CCDC51: variants seen among roughly 807,000 people sequenced by gnomAD.
CCDC51 encodes coiled-coil domain containing 51.
CCDC51 carries 25 observed loss-of-function variants against 24.8 expected under a neutral mutation model. That is an observed-to-expected ratio of 1.01 (90% CI 0.73 to 1.41). The LOEUF is 1.41. CCDC51 is among the 40% of genes most tolerant of loss of function. The probability of loss-of-function intolerance (pLI) is 0.00; values close to 1 mark genes in which losing one functional copy is unlikely to be tolerated. For synonymous variants in CCDC51, 190 were observed against 204.3 expected (o/e 0.93, Z 0.60); for missense variants, 466 against 519.1 (o/e 0.90, Z 0.99).
chr3:48,436,460 G>A (rs2039357882), intron 1 of CCDC51, among the ~76,000 whole-genome samples: 1 of 152,200 alleles, frequency 6.6e-6, no homozygotes, highest in East Asian at 1.9e-4. Flanking sequence ...GCCGCAGAAG[G>A]GAACTTCACT....
chr3:48,434,833 T>C lies in CCDC51; in HGVS notation c.296A>G (p.Gln99Arg). 6.2e-7 allele frequency: 1 copy of C among 1,604,144 alleles called. No individual in the cohort carries two copies. The highest frequency in any genetic ancestry group is 8.5e-7 in the Non-Finnish European group (1 of 1,173,530). ...CCTCCTCACCTCTGTCACCTTTCCC[T>C]GGGCCTCTCGAACCTCGTTGAGTCC... ...FVGLNEVREA[Q>R]GKVTEAEKVF... is the part of the protein sequence containing the mutation. The change falls in exon 2 of 4, where the codon CAG becomes CGG. Residue 99 changes from glutamine (Q) to arginine (R), a missense_variant. Transcript: ENST00000395694.
chr3:48,440,122 C>T, upstream of CCDC51: 1 of 1,052,342 alleles, frequency 9.5e-7, no homozygotes, highest in Non-Finnish European at 1.3e-6. Context: ...AATCGTCTGC[C>T]ACTCAGTTGA....
Position 48,432,920 on chromosome 3 carries a change from C to A in CCDC51, c.724G>T (p.Val242Leu), listed in dbSNP as rs367649923. 3 of 1,614,068 alleles carry A rather than the reference C, an allele frequency of 1.9e-6. No homozygotes were observed. The highest frequency in any genetic ancestry group is 1.1e-5 in the South Asian group (1 of 91,084). The change falls in exon 4 of 4, where the codon GTG becomes TTG. Residue 242 changes from valine (V) to leucine (L), a missense_variant. Val to Leu is a conservative substitution (Grantham distance 32, BLOSUM62 1). Coordinates refer to ENST00000395694, the MANE Select transcript of CCDC51 (RefSeq NM_001256964.2). The part of the protein sequence containing the change: ...ALLLEAQKGP[V>L]SLQEAIREQA... ...TCTCGAATGGCCTCTTGGAGACTCA[C>A]AGGCCCCTTCTGCGCCTCCAGGAGT... is the stretch of plus-strand genomic sequence containing the variant.
the CCDC51 span, among the ~76,000 whole-genome samples, chr3:48,446,045 C>T: frequency 3.3e-5 from 5 of 152,150 alleles, no homozygotes; most frequent in Non-Finnish European, 5.9e-5. Flanking sequence ...ATCCTGCTAA[C>T]TTGACTCAAC....
At chr3:48,440,624 C>T (rs760587663), upstream of CCDC51, 2 of 1,610,940 alleles carry the variant, frequency 1.2e-6, no homozygotes, top group Non-Finnish European at 1.7e-6. Context: ...GGAAGGGGCC[C>T]TTGGGTAAGT....
upstream of CCDC51, among the ~76,000 whole-genome samples, chr3:48,443,029 C>G (rs1374964182): frequency 6.6e-6 from 1 of 151,814 alleles, no homozygotes. Context: ...CACTTGAGGT[C>G]TGGAGTTCGA....
chr3:48,440,351 G>C, upstream of CCDC51: 1 of 1,611,954 alleles, frequency 6.2e-7, no homozygotes, highest in Non-Finnish European at 8.5e-7. Context: ...GGGGACGGCG[G>C]GGTGGGGACC....
At chr3:48,444,286 G>C (rs184094147), upstream of CCDC51, 1 of 155,144 alleles carries the variant, frequency 6.4e-6, no homozygotes, top group East Asian at 1.9e-4. Context: ...TTTTTTTGGT[G>C]GGGGAGGGGG....
In CCDC51 at chr3:48,434,056, A is replaced by G. The variant is rs1382780083; in HGVS notation, c.313-185T>C. ...TGCTCAAAGTGCAGCCTTGGGCCACACCCATCAGAATCACGAGATTTAGCC... is the reference window on the plus strand; with the variant it reads ...TGCTCAAAGTGCAGCCTTGGGCCACGCCCATCAGAATCACGAGATTTAGCC... On this transcript the variant is annotated intron_variant, in intron 2 of 3. Transcript: ENST00000395694. 8.4e-6 allele frequency: 11 copies of G among 1,302,870 alleles called. No homozygotes were observed. In the Admixed American group the frequency reaches 3.8e-4, roughly 45 times the overall value. The allele number at this position is 1,302,870 out of a possible 1,614,324, so 80.7% of individuals were successfully genotyped here. A position where few individuals can be genotyped will look rare whatever the true frequency, so the allele number is the denominator to read the frequency against.
chr3:48,434,763 G>T, intron 2 of CCDC51, 54 bp downstream of exon 2: 1 of 1,489,982 alleles, frequency 6.7e-7, no homozygotes, highest in African/African-American at 1.4e-5. Context: ...TGACTGGTTT[G>T]GCACATTTCC....
chr3:48,441,333 C>T (rs1049467044), upstream of CCDC51, among the ~76,000 whole-genome samples: 7 of 151,736 alleles, frequency 4.6e-5, no homozygotes, highest in South Asian at 4.2e-4. Context: ...CGTGAGCCAC[C>T]GCACCTGGCC....
At chr3:48,443,060 TC>T (rs2107171091), upstream of CCDC51, among the ~76,000 whole-genome samples, 1 of 151,448 alleles carries the variant, frequency 6.6e-6, no homozygotes, top group African/African-American at 2.4e-5. Context: ...GCCAACATGG[TC>T]AAACCCCATC....
chr3:48,440,292 GC>G (rs1384476244), upstream of CCDC51: 1 of 1,604,296 alleles, frequency 6.2e-7, no homozygotes, highest in Non-Finnish European at 8.5e-7. Context: ...GCGGCGGCAG[GC>G]GCCATGTCCG....
rs2039239227 is a variant in CCDC51 at position 48,433,117 on chromosome 3, C to T, written c.527G>A (p.Arg176Gln). The change falls in exon 4 of 4, where the codon CGA becomes CAA. Residue 176 changes from arginine to glutamine, a missense_variant. Arg to Gln is a conservative substitution (Grantham distance 43). Coordinates refer to ENST00000395694, the MANE Select transcript of CCDC51 (RefSeq NM_001256964.2). The surrounding 1 kb of genome is among the most constrained non-coding windows in gnomAD (Gnocchi z 4.4). ...TAYLRAEDSEREKFSLFSAAV... is the reference protein window; with the variant it reads ...TAYLRAEDSEQEKFSLFSAAV... ...TGCAGAGAAGAGGGAGAACTTCTCT[C>T]GCTCAGAGTCTTCTGCACGCAGATA... is the stretch of plus-strand genomic sequence containing the variant. The T allele has an allele frequency of 4.3e-6, 7 of 1,613,812 alleles. No homozygotes were observed. Among genetic ancestry groups the T allele is most frequent in the Non-Finnish European group, 5.9e-6 (7 of 1,179,944 alleles).
In CCDC51 at chr3:48,434,982, A is replaced by T; in HGVS notation, c.147T>A (p.Pro49=). 6.2e-7 allele frequency: 1 copy of T among 1,614,240 alleles called. No homozygotes were observed. The highest frequency in any genetic ancestry group is 8.5e-7 in the Non-Finnish European group (1 of 1,180,042). ...GGTGCAGCCCCAGGGCCACCTCCTC[A>T]GGTCTTTTCTCTCCGGGCTGGCTTG... The part of the protein sequence containing the change: ...PGPSQPGEKR[P]EEVALGLHHR... Residue 49 remains proline (P), a synonymous_variant, in exon 2 of 4, where the codon CCT becomes CCA. Transcript: ENST00000395694.
the CCDC51 span, among the ~76,000 whole-genome samples, chr3:48,445,782 G>A: frequency 6.6e-6 from 1 of 152,152 alleles, no homozygotes; most frequent in Non-Finnish European, 1.5e-5. Flanking sequence ...GTGAAGTTTG[G>A]CACTGAGCAG....
upstream of CCDC51, chr3:48,440,997 TGACTTA>T: frequency 3.3e-6 from 1 of 304,466 alleles, no homozygotes; most frequent in African/African-American, 2.2e-5. Flanking sequence ...GAACCTTACT[TGACTTA>T]GAAGTTTTTT....
upstream of CCDC51, chr3:48,440,383 C>A: frequency 1.2e-6 from 2 of 1,611,648 alleles, no homozygotes; most frequent in Non-Finnish European, 1.7e-6. Context: ...GCAGGCCGAA[C>A]GTGCTCGTGT....
At chr3:48,446,581 T>C in the CCDC51 span, 1 of 319,126 alleles carries the variant, frequency 3.1e-6, no homozygotes, top group Non-Finnish European at 5.6e-6. Flanking sequence ...CGGTAACGGG[T>C]CGCGCCGCAC....
Sources: allele counts gnomAD v4.1 joint callset (sites outside exome capture counted in the v4.1 genomes callset), GRCh38; gene constraint gnomAD v4.1.1; non-coding constraint Gnocchi (gnomAD v3.1); transcripts MANE v1.5; gene names NCBI Gene and HGNC (gene_info 2026-07-23, HGNC 2026-07-21).